NR3C2: variants seen among roughly 807,000 people sequenced by gnomAD.
NR3C2 encodes the protein nuclear receptor subfamily 3 group C member 2.
NR3C2 carries 15 observed loss-of-function variants against 86.4 expected under a neutral mutation model. The ratio of observed to expected loss-of-function variants is 0.17; its 90% CI spans 0.12 to 0.27. The LOEUF (loss-of-function observed/expected upper bound fraction) is 0.27, where lower values mean the gene tolerates loss of function less well. Ranked by LOEUF, NR3C2 falls within the 10% of genes least tolerant of loss-of-function variation. The pLI is 1.00. For synonymous variants in NR3C2, 458 were observed against 450.5 expected (o/e 1.02, Z -0.21); for missense variants, 960 against 1,195.6 (o/e 0.80, Z 2.91).
chr4:148,266,811 T>C (rs1740419324), intron 2 of NR3C2, among the ~76,000 whole-genome samples: 1 of 152,104 alleles, frequency 6.6e-6, no homozygotes, highest in Admixed American at 6.6e-5. Context: ...GAGATAATAA[T>C]GGTGTGAAGT....
chr4:148,298,941 G>A (rs1302170795), intron 2 of NR3C2, among the ~76,000 whole-genome samples: 1 of 152,220 alleles, frequency 6.6e-6, no homozygotes, highest in Non-Finnish European at 1.5e-5. Flanking sequence ...CAACAGACCA[G>A]GGGGCCCACC....
rs1274889805 is a variant in NR3C2, at chr4:148,315,945, G to A, written c.1758-55828C>T. ...ATCTTTCTTACAATCTCCGTTTTTG[G>A]AATTCACCTTAAAGATTCAGAATTC... On this transcript the variant is annotated intron_variant, in intron 2 of 8. Transcript: ENST00000358102. 3.3e-5 allele frequency among the ~76,000 whole-genome samples: 5 copies of A among 152,114 alleles called. 1 individual carries two copies. In the South Asian group the frequency reaches 1.0e-3, roughly 32 times the overall value.
chr4:148,207,791 A>T (rs1041249262), intron 3 of NR3C2, among the ~76,000 whole-genome samples: 1 of 152,248 alleles, frequency 6.6e-6, no homozygotes, highest in African/African-American at 2.4e-5. Flanking sequence ...CTGAAACCAC[A>T]GATAGTACCA....
chr4:148,142,490 C>A (rs936550887), intron 6 of NR3C2, among the ~76,000 whole-genome samples: 1 of 151,964 alleles, frequency 6.6e-6, no homozygotes, highest in African/African-American at 2.4e-5. Flanking sequence ...CAGGGGTGCA[C>A]GTCTTTCTTC....
intron 4 of NR3C2, among the ~76,000 whole-genome samples, chr4:148,175,871 C>CT (rs1297944734): frequency 6.6e-6 from 1 of 152,198 alleles, no homozygotes; most frequent in South Asian, 2.1e-4. Context: ...AGGCATGTGC[C>CT]TGTAGTCCCA....
At chr4:148,169,948 A>G (rs1735049487) in intron 4 of NR3C2, among the ~76,000 whole-genome samples, 1 of 152,272 alleles carries the variant, frequency 6.6e-6, no homozygotes, top group South Asian at 2.1e-4. Context: ...GATTACAGAA[A>G]GCAGGAGAAA....
chr4:148,442,017 C>G (rs1234711485), intron 1 of NR3C2, 143 bp downstream of exon 1: 1 of 152,480 alleles, frequency 6.6e-6, no homozygotes, highest in East Asian at 1.9e-4. Context: ...AGTGGAAAAC[C>G]AAAACAAAAC....
At chr4:148,128,884 T>C (rs1161491719) in intron 6 of NR3C2, among the ~76,000 whole-genome samples, 1 of 152,246 alleles carries the variant, frequency 6.6e-6, no homozygotes, top group Non-Finnish European at 1.5e-5. Flanking sequence ...AATAGCCCTT[T>C]GCAGAAAAAC....
At chr4:148,131,873 C>T (rs1470880235) in intron 6 of NR3C2, among the ~76,000 whole-genome samples, 1 of 152,100 alleles carries the variant, frequency 6.6e-6, no homozygotes, top group Admixed American at 6.6e-5. Context: ...ACTTCAACAT[C>T]AAATATCCAC....
chr4:148,335,000 T>C (rs1744409346), intron 2 of NR3C2, among the ~76,000 whole-genome samples: 1 of 152,232 alleles, frequency 6.6e-6, no homozygotes, highest in Non-Finnish European at 1.5e-5. Context: ...TGTGTCCCAA[T>C]TTCCCCTTTG....
chr4:148,324,169 A>G (rs1040072022), intron 2 of NR3C2, among the ~76,000 whole-genome samples: 1 of 152,224 alleles, frequency 6.6e-6, no homozygotes, highest in African/African-American at 2.4e-5. Flanking sequence ...TTAACTGGAT[A>G]AAGAGCCATA....
intron 3 of NR3C2, among the ~76,000 whole-genome samples, chr4:148,221,192 T>C (rs1400418632): frequency 6.6e-6 from 1 of 152,260 alleles, no homozygotes; most frequent in East Asian, 1.9e-4. Flanking sequence ...TTTGTCAGAA[T>C]ACAGTGGCTG....
At chr4:148,374,706 A>C (rs935632008) in intron 2 of NR3C2, among the ~76,000 whole-genome samples, 2 of 152,216 alleles carry the variant, frequency 1.3e-5, no homozygotes, top group African/African-American at 4.8e-5. Context: ...AATTATTTTC[A>C]ATCAGTCCAA....
Position 148,378,161 on chromosome 4 carries a change from G to A in NR3C2, c.1757+56943C>T, listed in dbSNP as rs185871190. On this transcript the variant is annotated intron_variant, in intron 2 of 8. Transcript: ENST00000358102. ...GAAATTCCCTACAATCTGGTTGCTG[G>A]GGGCTGGCGGGGGATCTTAAGAAAG... Among the ~76,000 whole-genome samples the A allele has an allele frequency of 3.9e-5, 6 of 152,226 alleles. No homozygotes were observed. In the East Asian group the frequency reaches 1.2e-3, roughly 29 times the overall value.
chr4:148,123,035 AT>A (rs1732581120), intron 6 of NR3C2, among the ~76,000 whole-genome samples: 1 of 152,224 alleles, frequency 6.6e-6, no homozygotes. Context: ...CAAGTAGGAA[AT>A]ATATCACTAA....
chr4:148,380,376 T>G (rs1160299768), intron 2 of NR3C2, among the ~76,000 whole-genome samples: 1 of 152,238 alleles, frequency 6.6e-6, no homozygotes, highest in East Asian at 1.9e-4. Context: ...GATAGACATT[T>G]AGGTTGTTTC....
intron 2 of NR3C2, among the ~76,000 whole-genome samples, chr4:148,354,101 G>C (rs1273874266): frequency 6.6e-6 from 1 of 151,986 alleles, no homozygotes; most frequent in Non-Finnish European, 1.5e-5. Context: ...ATTCACCTCT[G>C]CCACCCCTGA....
chr4:148,195,458 A>G (rs1422578780), intron 3 of NR3C2, among the ~76,000 whole-genome samples: 2 of 152,266 alleles, frequency 1.3e-5, no homozygotes, highest in African/African-American at 4.8e-5. Context: ...AAACACCCAC[A>G]GCGTACTAGG....
chr4:148,261,284 CGCTATGGTAAGT>C lies in NR3C2; in HGVS notation c.1758-1179_1758-1168del, dbSNP rs201598892. ...CAGCGCTATGGTGCACTATGGTAAG[CGCTATGGTAAGT>C]GCTATGGTGCGCTATGGTAAGCGCT... On this transcript the variant is annotated intron_variant, in intron 2 of 8. Transcript: ENST00000358102. 4.9e-3 allele frequency among the ~76,000 whole-genome samples: 583 copies of C among 119,460 alleles called. 1 individual carries two copies. Among genetic ancestry groups the C allele is most frequent in the East Asian group, 9.5e-3 (36 of 3,780 alleles). 78.4% of individuals were successfully genotyped at this position (119,460 alleles called of 152,430 possible). A position where few individuals can be genotyped will look rare whatever the true frequency, so the allele number is the denominator to read the frequency against.
Sources: allele counts gnomAD v4.1 joint callset (sites outside exome capture counted in the v4.1 genomes callset), GRCh38; gene constraint gnomAD v4.1.1; transcripts MANE v1.5; gene names NCBI Gene and HGNC (gene_info 2026-07-23, HGNC 2026-07-21).